The following AOPEP variants were observed in gnomAD, a reference collection of about 807,000 sequenced individuals.
AOPEP encodes the protein aminopeptidase O (putative).
In AOPEP, 77 loss-of-function variants were observed where a neutral mutation model predicts 98.1. The observed-to-expected ratio is 0.78, with a 90% CI of 0.65 to 0.95. AOPEP has a LOEUF of 0.95. Ranked by LOEUF, AOPEP falls within the 40% of genes least tolerant of loss-of-function variation. AOPEP has a pLI of 0.00. For synonymous variants in AOPEP, 346 were observed against 365.3 expected (o/e 0.95, Z 0.60); for missense variants, 1,024 against 1,024.7 (o/e 1.00, Z 0.01).
In AOPEP at chr9:94,980,419, G is replaced by A. The variant is rs1341891939; in HGVS notation, c.1977+992G>A. On this transcript the variant is annotated intron_variant, in intron 11 of 16. Coordinates refer to ENST00000375315, the MANE Select transcript of AOPEP (RefSeq NM_001193329.3). The surrounding 1 kb of genome is among the most constrained non-coding windows in gnomAD (Gnocchi z 4.3). ...CTGCTGGTTTCTGGTTTCATGGCTG[G>A]TTACATGAGCTTCCCCTTAGGAGGG... Among the ~76,000 whole-genome samples, 2 of 152,220 alleles carry A rather than the reference G, an allele frequency of 1.3e-5. No homozygotes were observed. The highest frequency in any genetic ancestry group is 2.9e-5 in the Non-Finnish European group (2 of 68,034).
chr9:94,805,459 TAGTTTGAA>T (rs1327162555), intron 5 of AOPEP, among the ~76,000 whole-genome samples: 2 of 152,078 alleles, frequency 1.3e-5, no homozygotes, highest in Non-Finnish European at 2.9e-5. Flanking sequence ...TTGCTCATCC[TAGTTTGAA>T]AGGTTTTTTG....
At chr9:94,989,468 C>G (rs1277443386) in intron 11 of AOPEP, among the ~76,000 whole-genome samples, 1 of 152,082 alleles carries the variant, frequency 6.6e-6, no homozygotes, top group Non-Finnish European at 1.5e-5. Flanking sequence ...ATCTCCTAAC[C>G]TCGTGATTTG....
intron 5 of AOPEP, among the ~76,000 whole-genome samples, chr9:94,803,720 T>C (rs1848661576): frequency 6.6e-6 from 1 of 152,272 alleles, no homozygotes; most frequent in Admixed American, 6.5e-5. Context: ...CACCTTTTAA[T>C]ATAACAGGAG....
At chr9:95,106,048 T>C in the AOPEP span, among the ~76,000 whole-genome samples, 1 of 152,130 alleles carries the variant, frequency 6.6e-6, no homozygotes, top group Non-Finnish European at 1.5e-5. Flanking sequence ...ACCCCATTCT[T>C]CTCCACAGTA....
intron 13 of AOPEP, among the ~76,000 whole-genome samples, chr9:95,013,348 T>C (rs1204306482): frequency 6.6e-5 from 10 of 152,106 alleles, no homozygotes; most frequent in African/African-American, 2.4e-4. Context: ...AAATCAGTCA[T>C]TTACCTTTTC....
At chr9:94,920,310 G>C (rs7043275) in intron 5 of AOPEP, 6,845 of 153,134 alleles carry the variant, frequency 0.045, 518 homozygotes, top group African/African-American at 0.15. Context: ...GCAACAAGAG[G>C]GAAACTCCGT....
rs1005006758 is a variant in AOPEP at position 94,933,545 on chromosome 9, C to T, written c.1661+5014C>T. ...ACTTTGATACAATGCTAGATAAATG[C>T]GAGCATCTTTCCCTAACCTTCCTCC... On this transcript the variant is annotated intron_variant, in intron 7 of 16. Transcript: ENST00000375315. 7 of 985,172 alleles carry T rather than the reference C, an allele frequency of 7.1e-6. No individual in the cohort carries two copies. The African/African-American group carries it at 8.7e-5, about 12-fold the overall frequency. 61.0% of individuals were successfully genotyped at this position (985,172 alleles called of 1,614,324 possible). A position where few individuals can be genotyped will look rare whatever the true frequency, so the allele number is the denominator to read the frequency against.
intron 5 of AOPEP, among the ~76,000 whole-genome samples, chr9:94,835,035 T>A (rs4744380): frequency 0.86 from 130,676 of 152,128 alleles, 56,272 homozygotes; most frequent in Non-Finnish European, 0.89. Context: ...GGCATGGTAA[T>A]AGGATAAGGA....
intron 6 of AOPEP, 97 bp from the exon 7 acceptor site, chr9:94,928,328 A>G (rs984738387): frequency 7.1e-6 from 6 of 845,902 alleles, no homozygotes; most frequent in Middle Eastern, 6.5e-4. Context: ...GGGGCAGGCT[A>G]TCTTGTCCCC....
chr9:95,096,720 T>C, the AOPEP span, among the ~76,000 whole-genome samples: 3 of 152,194 alleles, frequency 2.0e-5, no homozygotes, highest in African/African-American at 4.8e-5. Context: ...GGCCGCTGGC[T>C]GCAGCCACGG....
chr9:95,063,315 A>G (rs1449172184), intron 14 of AOPEP, among the ~76,000 whole-genome samples: 3 of 152,228 alleles, frequency 2.0e-5, no homozygotes, highest in Non-Finnish European at 4.4e-5. Context: ...AGCTGTAAAA[A>G]TAGCTACCCA....
At chr9:94,799,431 G>T (rs1384148017) in intron 4 of AOPEP, among the ~76,000 whole-genome samples, 1 of 151,858 alleles carries the variant, frequency 6.6e-6, no homozygotes, top group Non-Finnish European at 1.5e-5. Flanking sequence ...GCTGGATGTG[G>T]CATGGCAACA....
chr9:94,968,594 C>T (rs550192566), intron 10 of AOPEP, among the ~76,000 whole-genome samples: 1 of 152,162 alleles, frequency 6.6e-6, no homozygotes, highest in Non-Finnish European at 1.5e-5. Flanking sequence ...CCAGGCTGGT[C>T]TCAAACTCCT....
intron 3 of AOPEP, among the ~76,000 whole-genome samples, chr9:94,775,793 T>G (rs1195992187): frequency 6.6e-6 from 1 of 151,988 alleles, no homozygotes; most frequent in African/African-American, 2.4e-5. Flanking sequence ...GCTAACACGG[T>G]GAAACCCCAT....
chr9:94,762,709 G>T (rs1475182319), intron 2 of AOPEP, among the ~76,000 whole-genome samples: 1 of 152,054 alleles, frequency 6.6e-6, no homozygotes, highest in African/African-American at 2.4e-5. Context: ...CCTTTTTCTG[G>T]GGTGGGGAGT....
At chr9:94,880,046 A>G (rs770606999) in intron 5 of AOPEP, among the ~76,000 whole-genome samples, 6 of 152,226 alleles carry the variant, frequency 3.9e-5, no homozygotes, top group Non-Finnish European at 7.3e-5. Context: ...TGTTTATTAA[A>G]TAGATCACCG....
At chr9:95,146,150 C>T in the AOPEP span, among the ~76,000 whole-genome samples, 1 of 151,934 alleles carries the variant, frequency 6.6e-6, no homozygotes, top group Non-Finnish European at 1.5e-5. Flanking sequence ...AAGGAAGGGT[C>T]TACATATGTA....
At chr9:94,967,858 A>G in intron 10 of AOPEP, 57 bp downstream of exon 10, 1 of 1,408,440 alleles carries the variant, frequency 7.1e-7, no homozygotes, top group East Asian at 2.3e-5. Context: ...GTTAAAAATG[A>G]CATTGCCATT....
At position 94,759,890 on chromosome 9, in the gene AOPEP, G is replaced by A. The variant is rs1439709461; in HGVS notation, c.107G>A (p.Ser36Asn). Residue 36 changes from serine (S) to asparagine (N), a missense_variant, in exon 2 of 17, where the codon AGT becomes AAT. By Grantham distance (46) the Ser-to-Asn change is conservative. This residue lies in a region of AOPEP where 440 missense variants were observed against 433.8 expected (regional missense o/e 1.01). Transcript: ENST00000375315. ...CTGGATTTGGATGTGGATTTTGAAA[G>A]TCAAGTCATTGAGGGGACCATAGTG... is the stretch of plus-strand genomic sequence containing the variant. ...YVLDLDVDFE[S>N]QVIEGTIVLF... is the part of the protein sequence containing the mutation. The A allele has an allele frequency of 6.2e-6, 10 of 1,614,156 alleles. No individual in the cohort carries two copies. Among genetic ancestry groups the A allele is most frequent in the Non-Finnish European group, 8.5e-6 (10 of 1,180,020 alleles).
Sources: allele counts gnomAD v4.1 joint callset (sites outside exome capture counted in the v4.1 genomes callset), GRCh38; gene constraint gnomAD v4.1.1; regional missense constraint gnomAD v4.1.1; non-coding constraint Gnocchi (gnomAD v3.1); transcripts MANE v1.5; gene names NCBI Gene and HGNC (gene_info 2026-07-23, HGNC 2026-07-21).